The following CHCHD3 variants were observed in gnomAD, a reference collection of about 807,000 sequenced individuals.
CHCHD3 encodes the protein MICOS complex subunit MIC19.
CHCHD3 carries 20 observed loss-of-function variants against 38.2 expected under a neutral mutation model. The ratio of observed to expected loss-of-function variants is 0.52; its 90% CI spans 0.37 to 0.76. CHCHD3 has a LOEUF of 0.76. Among genes scored for constraint, CHCHD3 ranks in the 30% least tolerant of loss-of-function variants. The pLI, the probability that CHCHD3 is intolerant of heterozygous loss-of-function variation, is 0.00. For synonymous variants in CHCHD3, 82 were observed against 100.0 expected (o/e 0.82, Z 1.07); for missense variants, 245 against 279.2 (o/e 0.88, Z 0.87).
intron 6 of CHCHD3, among the ~76,000 whole-genome samples, chr7:132,833,669 G>A (rs1438835281): frequency 6.6e-6 from 1 of 152,166 alleles, no homozygotes; most frequent in African/African-American, 2.4e-5. Flanking sequence ...GGATAAAGTA[G>A]GAGAAACAAT....
intron 4 of CHCHD3, among the ~76,000 whole-genome samples, chr7:132,920,528 C>T (rs1354891735): frequency 6.6e-6 from 1 of 152,122 alleles, no homozygotes; most frequent in Non-Finnish European, 1.5e-5. Flanking sequence ...GCTGAATGAC[C>T]GAACACACAC....
At chr7:132,868,312 T>C (rs373013977) in intron 5 of CHCHD3, among the ~76,000 whole-genome samples, 45 of 152,314 alleles carry the variant, frequency 3.0e-4, no homozygotes, top group African/African-American at 9.6e-4. Flanking sequence ...ACAGATCTTT[T>C]TGAAAAGTTA....
At chr7:132,789,172 A>C (rs1198108480) in intron 7 of CHCHD3, among the ~76,000 whole-genome samples, 1 of 152,216 alleles carries the variant, frequency 6.6e-6, no homozygotes, top group South Asian at 2.1e-4. Context: ...AACGCTGCAT[A>C]AATTTAACAC....
intron 3 of CHCHD3, among the ~76,000 whole-genome samples, chr7:132,997,723 A>G (rs1812462338): frequency 6.6e-6 from 1 of 151,164 alleles, no homozygotes; most frequent in South Asian, 2.1e-4. Flanking sequence ...AGCAATCCAG[A>G]ACAAATTTTG....
At chr7:132,957,454 A>C (rs1478628563) in intron 4 of CHCHD3, among the ~76,000 whole-genome samples, 1 of 151,628 alleles carries the variant, frequency 6.6e-6, no homozygotes, top group Admixed American at 6.6e-5. Context: ...CGGGGCACAC[A>C]CCCTCTGGGG....
intron 5 of CHCHD3, among the ~76,000 whole-genome samples, chr7:132,841,836 G>A (rs1360199265): frequency 6.6e-6 from 1 of 152,182 alleles, no homozygotes; most frequent in East Asian, 1.9e-4. Context: ...GGTGGCTCAT[G>A]CCTGTAATCC....
At chr7:132,953,877 T>C (rs752927822) in intron 4 of CHCHD3, among the ~76,000 whole-genome samples, 8 of 152,202 alleles carry the variant, frequency 5.3e-5, no homozygotes, top group Non-Finnish European at 1.2e-4. Context: ...CTCCGTATAA[T>C]TAACAGTGCC....
At chr7:133,058,168 T>C (rs1026877953) in intron 2 of CHCHD3, among the ~76,000 whole-genome samples, 3 of 152,286 alleles carry the variant, frequency 2.0e-5, no homozygotes, top group East Asian at 1.9e-4. Flanking sequence ...AAACAGGTGA[T>C]TGGCCTTATT....
At chr7:132,955,348 A>G (rs1349365018) in intron 4 of CHCHD3, among the ~76,000 whole-genome samples, 1 of 152,114 alleles carries the variant, frequency 6.6e-6, no homozygotes, top group African/African-American at 2.4e-5. Flanking sequence ...CATATTACGA[A>G]CATGATTGCC....
In CHCHD3 at chr7:132,963,628, C is replaced by CA. The variant is rs11295074; in HGVS notation, c.369+11540dup. 7.0e-3 allele frequency among the ~76,000 whole-genome samples: 893 copies of CA among 128,168 alleles called. 6 individuals are homozygous for CA. The highest frequency in any genetic ancestry group is 0.021 in the African/African-American group (728 of 35,452). 84.1% of individuals were successfully genotyped at this position (128,168 alleles called of 152,430 possible). The stretch of plus-strand genomic sequence containing the variant: ...TGGGCGATACAGTGAGACTCCATCT[C>CA]AAAAAAAAAAAAAAATTGTAATTTC... On this transcript the variant is annotated intron_variant, in intron 4 of 7. Coordinates refer to ENST00000262570, the MANE Select transcript of CHCHD3 (RefSeq NM_017812.4).
At chr7:132,924,972 T>A (rs1283215126) in intron 4 of CHCHD3, among the ~76,000 whole-genome samples, 1 of 152,202 alleles carries the variant, frequency 6.6e-6, no homozygotes, top group Non-Finnish European at 1.5e-5. Context: ...GGTGAACCTG[T>A]ATCCCTTTGA....
intron 2 of CHCHD3, among the ~76,000 whole-genome samples, chr7:133,061,664 AG>A (rs1218368707): frequency 6.6e-6 from 1 of 152,142 alleles, no homozygotes; most frequent in Non-Finnish European, 1.5e-5. Flanking sequence ...GTATCTTTAT[AG>A]TAATGTGAGT....
rs76058127 is a variant in CHCHD3 at position 133,008,300 on chromosome 7, T to G, written c.251+16246A>C. The stretch of plus-strand genomic sequence containing the variant: ...GTTATACAGTAAAAGACAGCTGTCT[T>G]TATGCATAGAACTGTCACCAAATGT... On this transcript the variant is annotated intron_variant, in intron 3 of 7. Coordinates refer to ENST00000262570, the MANE Select transcript of CHCHD3 (RefSeq NM_017812.4). 2.7e-3 allele frequency among the ~76,000 whole-genome samples: 413 copies of G among 152,198 alleles called. 9 individuals carry two copies. The East Asian group carries it at 0.064, about 24-fold the overall frequency.
intron 3 of CHCHD3, among the ~76,000 whole-genome samples, chr7:133,001,084 T>C (rs1035082398): frequency 6.6e-6 from 1 of 152,188 alleles, no homozygotes; most frequent in African/African-American, 2.4e-5. Flanking sequence ...GGCATCTCCC[T>C]CACCAAAAAT....
intron 4 of CHCHD3, among the ~76,000 whole-genome samples, chr7:132,929,061 G>C (rs1049572507): frequency 1.3e-5 from 2 of 152,032 alleles, no homozygotes; most frequent in Non-Finnish European, 2.9e-5. Flanking sequence ...ACTTCTTCAA[G>C]GTACATAATC....
intron 4 of CHCHD3, chr7:132,973,020 C>A (rs1811650195): frequency 2.0e-6 from 2 of 985,036 alleles, no homozygotes; most frequent in Non-Finnish European, 2.4e-6. Flanking sequence ...AGTAACAAAT[C>A]TTTTGATACT....
intron 7 of CHCHD3, among the ~76,000 whole-genome samples, chr7:132,793,175 A>G (rs1447984561): frequency 6.6e-6 from 1 of 152,196 alleles, no homozygotes; most frequent in Non-Finnish European, 1.5e-5. Flanking sequence ...GCTCAGAGGA[A>G]GAGACATGAC....
chr7:133,063,192 TC>T (rs1428579191), intron 2 of CHCHD3, among the ~76,000 whole-genome samples: 2 of 152,112 alleles, frequency 1.3e-5, no homozygotes, highest in Admixed American at 6.5e-5. Flanking sequence ...CAAAAATAAA[TC>T]CAACATAGAG....
At chr7:133,059,528 T>C (rs1470629398) in intron 2 of CHCHD3, among the ~76,000 whole-genome samples, 3 of 152,188 alleles carry the variant, frequency 2.0e-5, no homozygotes, top group Admixed American at 2.0e-4. Context: ...GATGATTTCC[T>C]TTCTAAACTA....
Sources: gnomAD v4.1 joint callset for allele counts (sites outside exome capture counted in the v4.1 genomes callset) on GRCh38, gnomAD v4.1.1 for gene constraint, MANE v1.5 for transcripts, NCBI Gene and HGNC (gene_info 2026-07-23, HGNC 2026-07-21) for gene names.